CDH18: variants seen among roughly 807,000 people sequenced by gnomAD.
CDH18 encodes cadherin-18.
In CDH18, 31 loss-of-function variants were observed where a neutral mutation model predicts 67.9. The observed-to-expected ratio is 0.46, with a 90% CI of 0.34 to 0.62. The LOEUF (loss-of-function observed/expected upper bound fraction) is 0.62, where lower values mean the gene tolerates loss of function less well. Ranked by LOEUF, CDH18 falls within the 20% of genes least tolerant of loss-of-function variation. CDH18 has a pLI of 0.01. For missense variants in CDH18, 890 were observed against 975.5 expected, an observed-to-expected ratio of 0.91 and a Z score of 1.17; for synonymous variants, 362 against 347.2, an observed-to-expected ratio of 1.04 and a Z score of -0.48.
At chr5:19,876,238 C>A (rs1786989157) in intron 2 of CDH18, among the ~76,000 whole-genome samples, 1 of 152,038 alleles carries the variant, frequency 6.6e-6, no homozygotes. Flanking sequence ...TGATCCTGGA[C>A]AATAACATTT....
At chr5:19,697,937 C>T (rs980001058) in intron 5 of CDH18, among the ~76,000 whole-genome samples, 17 of 152,210 alleles carry the variant, frequency 1.1e-4, no homozygotes, top group South Asian at 2.1e-4. Flanking sequence ...TTGCCTGCTC[C>T]GGGTCTCTTA....
chr5:19,764,384 G>A (rs1186896017), intron 3 of CDH18, among the ~76,000 whole-genome samples: 1 of 151,862 alleles, frequency 6.6e-6, no homozygotes, highest in African/African-American at 2.4e-5. Flanking sequence ...AAATCACATT[G>A]TGTCAAAATA....
chr5:19,621,005 C>A (rs1217625743), intron 5 of CDH18, among the ~76,000 whole-genome samples: 2 of 152,048 alleles, frequency 1.3e-5, no homozygotes, highest in Non-Finnish European at 2.9e-5. Flanking sequence ...GTAAGATGAA[C>A]TATCATGGGT....
At chr5:19,544,654 G>A (rs1736009507) in intron 8 of CDH18, among the ~76,000 whole-genome samples, 1 of 151,996 alleles carries the variant, frequency 6.6e-6, no homozygotes, top group Non-Finnish European at 1.5e-5. Context: ...GCTTACTTTT[G>A]TAATCAAATG....
chr5:20,564,659 A>G (rs1758403805), intron 1 of CDH18, among the ~76,000 whole-genome samples: 1 of 152,168 alleles, frequency 6.6e-6, no homozygotes, highest in Non-Finnish European at 1.5e-5. Flanking sequence ...TCCCTTTTGC[A>G]TAACATCTTG....
chr5:20,240,923 G>A (rs1252129586), intron 2 of CDH18, among the ~76,000 whole-genome samples: 2 of 152,116 alleles, frequency 1.3e-5, no homozygotes. Flanking sequence ...GAAAAAACAT[G>A]AATAAAGCTA....
At chr5:19,853,901 C>CT in intron 2 of CDH18, among the ~76,000 whole-genome samples, 1 of 152,162 alleles carries the variant, frequency 6.6e-6, no homozygotes. Flanking sequence ...GGGAGAACTC[C>CT]TTTTTTAGCC....
intron 1 of CDH18, among the ~76,000 whole-genome samples, chr5:20,568,880 T>C (rs958554759): frequency 3.3e-5 from 5 of 152,168 alleles, no homozygotes; most frequent in African/African-American, 1.2e-4. Flanking sequence ...TAAATTCAAA[T>C]AAATGCACCA....
At chr5:19,731,831 T>TG (rs1284848882) in intron 4 of CDH18, among the ~76,000 whole-genome samples, 1 of 152,138 alleles carries the variant, frequency 6.6e-6, no homozygotes, top group Non-Finnish European at 1.5e-5. Context: ...GGCTCACACT[T>TG]GCAATCCCAG....
chr5:20,572,213 T>C (rs1251106103), intron 1 of CDH18, among the ~76,000 whole-genome samples: 1 of 92,392 alleles, frequency 1.1e-5, no homozygotes, highest in Non-Finnish European at 2.2e-5. Context: ...TCCATGTCTA[T>C]TTTTGTAAAA....
chr5:19,831,802 C>T (rs887068023), intron 3 of CDH18, among the ~76,000 whole-genome samples: 5 of 151,998 alleles, frequency 3.3e-5, no homozygotes, highest in African/African-American at 9.7e-5. Context: ...ACAAATACAC[C>T]CATATGTTCA....
chr5:20,493,393 A>AC, intron 1 of CDH18, among the ~76,000 whole-genome samples: 1 of 118,120 alleles, frequency 8.5e-6, no homozygotes, highest in South Asian at 2.8e-4. Flanking sequence ...AAAGCAAAGA[A>AC]TTTTTTGTTT....
chr5:19,959,366 G>A (rs1046624286), intron 2 of CDH18, among the ~76,000 whole-genome samples: 7 of 151,734 alleles, frequency 4.6e-5, no homozygotes, highest in African/African-American at 1.5e-4. Context: ...TTTAGTTATG[G>A]GAATTTTAAA....
rs28781650 is a variant in CDH18, at chr5:20,341,058, A to G, written c.-579-85553T>C. Among the ~76,000 whole-genome samples, 499 of 152,278 alleles carry G rather than the reference A, an allele frequency of 3.3e-3. 1 individual carries two copies. Among genetic ancestry groups the G allele is most frequent in the African/African-American group, 0.011 (457 of 41,574 alleles). ...AAAAATTGGCAGGGCTACAACCACC[A>G]TACTGGTTCAAATCCATCTTACAGC... On this transcript the variant is annotated intron_variant, in intron 1 of 14. Coordinates refer to the CDH18 transcript ENST00000507958.
At chr5:20,094,414 T>C (rs1281568262) in intron 2 of CDH18, among the ~76,000 whole-genome samples, 1 of 152,214 alleles carries the variant, frequency 6.6e-6, no homozygotes, top group Non-Finnish European at 1.5e-5. Flanking sequence ...CCAGCTTTGT[T>C]CTTTTTGCTT....
intron 2 of CDH18, among the ~76,000 whole-genome samples, chr5:20,003,087 A>G (rs1321085235): frequency 6.6e-6 from 1 of 152,200 alleles, no homozygotes; most frequent in Non-Finnish European, 1.5e-5. Context: ...TGCCTTTACC[A>G]ATTTTAATGG....
intron 3 of CDH18, among the ~76,000 whole-genome samples, chr5:19,829,073 G>A (rs1238430664): frequency 6.6e-6 from 1 of 151,922 alleles, no homozygotes; most frequent in African/African-American, 2.4e-5. Flanking sequence ...TAAATAACAG[G>A]AGCCATCTAT....
chr5:19,920,933 G>A (rs938948999), intron 2 of CDH18, among the ~76,000 whole-genome samples: 3 of 109,978 alleles, frequency 2.7e-5, no homozygotes, highest in African/African-American at 1.0e-4. Flanking sequence ...CACCACAGGG[G>A]GATAGAGTAC....
intron 1 of CDH18, among the ~76,000 whole-genome samples, chr5:20,390,116 A>T (rs1222177555): frequency 6.6e-6 from 1 of 152,364 alleles, no homozygotes; most frequent in Non-Finnish European, 1.5e-5. Context: ...AGCAATGGCA[A>T]CAAAAGCCAA....
Sources: allele counts gnomAD v4.1 joint callset (sites outside exome capture counted in the v4.1 genomes callset), GRCh38; gene constraint gnomAD v4.1.1; transcripts MANE v1.5; gene names NCBI Gene and HGNC (gene_info 2026-07-23, HGNC 2026-07-21).